CERS3: variants seen among roughly 807,000 people sequenced by gnomAD.
CERS3 encodes ceramide synthase 3, also known as LAG1 homolog, ceramide synthase 3.
CERS3 carries 33 observed loss-of-function variants against 50.3 expected under a neutral mutation model. That is an observed-to-expected ratio of 0.66 (90% confidence interval 0.50 to 0.88). The LOEUF (loss-of-function observed/expected upper bound fraction) is 0.88, where lower values mean the gene tolerates loss of function less well. Among genes scored for constraint, CERS3 ranks in the 40% least tolerant of loss-of-function variants. CERS3 has a pLI of 0.00. For synonymous variants in CERS3, 176 were observed against 155.2 expected (o/e 1.13, Z -0.99); for missense variants, 470 against 460.3 (o/e 1.02, Z -0.19).
chr15:100,527,674 T>A (rs1405930753), intron 1 of CERS3, among the ~76,000 whole-genome samples: 1 of 152,220 alleles, frequency 6.6e-6, no homozygotes, highest in African/African-American at 2.4e-5. Context: ...CAATTCCTCG[T>A]CTGAAAGTGG....
chr15:100,504,626 T>C (rs1002637705), intron 2 of CERS3, among the ~76,000 whole-genome samples: 2 of 152,160 alleles, frequency 1.3e-5, no homozygotes, highest in African/African-American at 4.8e-5. Flanking sequence ...TGTGTAAATA[T>C]GGTGGAACAA....
At chr15:100,423,314 C>T (rs192573646) in intron 11 of CERS3, among the ~76,000 whole-genome samples, 5 of 152,244 alleles carry the variant, frequency 3.3e-5, no homozygotes, top group Non-Finnish European at 7.4e-5. Context: ...AAGACATATG[C>T]ACTCATATGT....
chr15:100,523,293 T>C (rs2036691029), intron 1 of CERS3, among the ~76,000 whole-genome samples: 1 of 152,206 alleles, frequency 6.6e-6, no homozygotes, highest in Non-Finnish European at 1.5e-5. Context: ...AAATGTCTCC[T>C]CTCCTGCAGT....
At chr15:100,443,693 C>A in intron 11 of CERS3, among the ~76,000 whole-genome samples, 1 of 141,734 alleles carries the variant, frequency 7.1e-6, no homozygotes, top group South Asian at 2.4e-4. Flanking sequence ...TAGTCAAGCC[C>A]AAATTTCTTC....
chr15:100,431,585 G>A (rs115816042), intron 11 of CERS3, among the ~76,000 whole-genome samples: 38 of 152,190 alleles, frequency 2.5e-4, no homozygotes, highest in African/African-American at 7.2e-4. Context: ...AGTGATCTCC[G>A]CTTTTTAAAA....
At chr15:100,458,196 TCA>T (rs1381627415) in intron 10 of CERS3, among the ~76,000 whole-genome samples, 1 of 152,214 alleles carries the variant, frequency 6.6e-6, no homozygotes, top group Non-Finnish European at 1.5e-5. Context: ...TAAAATACTT[TCA>T]GTTTACATTA....
intron 11 of CERS3, among the ~76,000 whole-genome samples, chr15:100,408,124 G>A (rs2031205754): frequency 6.6e-6 from 1 of 152,232 alleles, no homozygotes; most frequent in Admixed American, 6.5e-5. Flanking sequence ...CACCCACCCT[G>A]GCCTCCCAAA....
chr15:100,485,073 G>A (rs1403033083), intron 4 of CERS3, among the ~76,000 whole-genome samples: 1 of 152,168 alleles, frequency 6.6e-6, no homozygotes, highest in Non-Finnish European at 1.5e-5. Flanking sequence ...GCCCCAAGAA[G>A]TTCAGTGACT....
chr15:100,424,585 T>C (rs532538898), intron 11 of CERS3, among the ~76,000 whole-genome samples: 86 of 152,376 alleles, frequency 5.6e-4, no homozygotes, highest in Middle Eastern at 6.8e-3. Flanking sequence ...ATTATGCCCC[T>C]GCTCTAGGGA....
Position 100,517,508 on chromosome 15 carries a change from C to T in CERS3, c.-2+4159G>A, listed in dbSNP as rs573796901. Among the ~76,000 whole-genome samples the T allele has an allele frequency of 6.6e-5, 10 of 152,036 alleles. No individual in the cohort carries two copies. The South Asian group carries it at 8.3e-4, about 13-fold the overall frequency. ...CATGAAACTTGCTTGGGCAGTGCCA[C>T]CAAAGGAATCATTTTATGAAAAAGA... is the stretch of plus-strand genomic sequence containing the variant. On this transcript the variant is annotated intron_variant, in intron 2 of 11. Coordinates refer to ENST00000679737, the MANE Select transcript of CERS3 (RefSeq NM_001378789.1).
chr15:100,507,236 T>C (rs764196305), intron 2 of CERS3, among the ~76,000 whole-genome samples: 9 of 152,198 alleles, frequency 5.9e-5, no homozygotes, highest in Non-Finnish European at 1.3e-4. Context: ...AAAAGCAAAA[T>C]TGAACTCTCC....
At chr15:100,476,835 C>T (rs557856464) in intron 7 of CERS3, among the ~76,000 whole-genome samples, 53 of 152,300 alleles carry the variant, frequency 3.5e-4, no homozygotes, top group Non-Finnish European at 6.5e-4. Flanking sequence ...CTTGTGCAGT[C>T]TCCTCCAACA....
chr15:100,459,082 T>C (rs1212044769), intron 10 of CERS3, among the ~76,000 whole-genome samples: 1 of 152,240 alleles, frequency 6.6e-6, no homozygotes, highest in Non-Finnish European at 1.5e-5. Flanking sequence ...TGTGTCTGTG[T>C]TCCAATAGAA....
chr15:100,434,253 C>T (rs1024551166), intron 11 of CERS3, among the ~76,000 whole-genome samples: 1 of 152,194 alleles, frequency 6.6e-6, no homozygotes, highest in African/African-American at 2.4e-5. Flanking sequence ...GGTCATTGGC[C>T]ATGGATCCAC....
At chr15:100,403,688 C>A (rs762707862) in intron 11 of CERS3, among the ~76,000 whole-genome samples, 3 of 152,182 alleles carry the variant, frequency 2.0e-5, no homozygotes, top group Non-Finnish European at 4.4e-5. Flanking sequence ...CTAAAACTTG[C>A]CCCAGCCGAA....
intron 5 of CERS3, 59 bp from the exon 6 acceptor site, chr15:100,480,105 A>G: frequency 7.8e-7 from 1 of 1,290,060 alleles, no homozygotes; most frequent in Non-Finnish European, 1.1e-6. Flanking sequence ...TTTGAGGAGA[A>G]AATGATTAGG....
intron 11 of CERS3, among the ~76,000 whole-genome samples, chr15:100,403,776 G>T (rs78961631): frequency 0.1 from 15,218 of 152,188 alleles, 1,090 homozygotes; most frequent in Admixed American, 0.21. Flanking sequence ...GCAGCACTAG[G>T]TCCAAATGTT....
At chr15:100,541,084 T>A (rs1204863153) in intron 1 of CERS3, among the ~76,000 whole-genome samples, 1 of 152,218 alleles carries the variant, frequency 6.6e-6, no homozygotes, top group African/African-American at 2.4e-5. Flanking sequence ...CATCCCTGAA[T>A]GCCAGCAGAC....
chr15:100,489,399 T>C (rs2035584301), intron 4 of CERS3, among the ~76,000 whole-genome samples: 1 of 152,192 alleles, frequency 6.6e-6, no homozygotes, highest in South Asian at 2.1e-4. Flanking sequence ...TCAGCTATCC[T>C]TAGTTTTCCT....
Sources: allele counts gnomAD v4.1 joint callset (sites outside exome capture counted in the v4.1 genomes callset), GRCh38; gene constraint gnomAD v4.1.1; transcripts MANE v1.5; gene names NCBI Gene and HGNC (gene_info 2026-07-23, HGNC 2026-07-21).